The following NRXN2 variants were observed in gnomAD, a reference collection of about 807,000 sequenced individuals.
NRXN2 encodes neurexin-2-beta.
In NRXN2, 29 loss-of-function variants were observed where a neutral mutation model predicts 128.8. The ratio of observed to expected loss-of-function variants is 0.23; its 90% CI spans 0.17 to 0.31. The LOEUF is 0.31. NRXN2 is among the 10% of genes least tolerant of loss of function. The pLI, the probability that NRXN2 is intolerant of heterozygous loss-of-function variation, is 1.00. For missense variants in NRXN2, 1,881 were observed against 2,452.6 expected (o/e 0.77, Z 4.92); for synonymous variants, 1,098 against 1,075.2 (o/e 1.02, Z -0.41).
chr11:64,679,497 C>T (rs573539612), intron 6 of NRXN2, among the ~76,000 whole-genome samples: 25 of 152,148 alleles, frequency 1.6e-4, no homozygotes, highest in African/African-American at 5.5e-4. Flanking sequence ...ATTAGCCAGG[C>T]GTGGTGGCGG....
chr11:64,720,162 A>C (rs1463101944), intron 1 of NRXN2, among the ~76,000 whole-genome samples: 1 of 152,168 alleles, frequency 6.6e-6, no homozygotes, highest in East Asian at 1.9e-4. Flanking sequence ...CCCTCACCCC[A>C]CCATGCCAAA....
At chr11:64,688,484 G>T (rs2053383971) in intron 5 of NRXN2, 1 of 985,410 alleles carries the variant, frequency 1.0e-6, no homozygotes, top group Non-Finnish European at 1.2e-6. Flanking sequence ...CTGGTGGAGG[G>T]ATTCTACTGG....
At chr11:64,618,250 C>T (rs2041826652) in intron 22 of NRXN2, among the ~76,000 whole-genome samples, 2 of 152,236 alleles carry the variant, frequency 1.3e-5, no homozygotes, top group African/African-American at 4.8e-5. Context: ...GCTAGAACTT[C>T]GGTGGGCAGA....
chr11:64,634,242 T>C (rs1406931961), intron 18 of NRXN2, among the ~76,000 whole-genome samples: 1 of 152,072 alleles, frequency 6.6e-6, no homozygotes, highest in African/African-American at 2.4e-5. Flanking sequence ...AGGGTGAGCA[T>C]GTGAAATACA....
chr11:64,716,944 G>C (rs200767095), intron 1 of NRXN2, among the ~76,000 whole-genome samples: 1 of 151,834 alleles, frequency 6.6e-6, no homozygotes, highest in Non-Finnish European at 1.5e-5. Context: ...CCCTCCCTGC[G>C]CCTCTCCCAC....
chr11:64,711,662 G>A (rs2056907597), intron 2 of NRXN2, among the ~76,000 whole-genome samples: 1 of 151,998 alleles, frequency 6.6e-6, no homozygotes, highest in Non-Finnish European at 1.5e-5. Context: ...TCAGCCCCAC[G>A]GCCCAGGGTC....
In NRXN2 at chr11:64,661,123, A is replaced by G. The variant is rs773981479; in HGVS notation, c.1815T>C (p.Asn605=). The change falls in exon 10 of 23, where the codon AAT becomes AAC. Residue 605 remains asparagine (N), a synonymous_variant. Transcript: ENST00000265459. ...TGGCCAAGAACGGCGTGCTGCGACTATTCACTGAGATGGAGCCTGGGAATC... is the reference window on the plus strand; with the variant it reads ...TGGCCAAGAACGGCGTGCTGCGACTGTTCACTGAGATGGAGCCTGGGAATC... ...RDGRKGSISV[N]SRSTPFLATG... 3.7e-6 allele frequency: 6 copies of G among 1,613,584 alleles called. No homozygotes were observed. The highest frequency in any genetic ancestry group is 3.3e-5 in the Admixed American group (2 of 60,026).
intron 2 of NRXN2, among the ~76,000 whole-genome samples, chr11:64,703,060 G>GAGCT: frequency 6.7e-6 from 1 of 149,778 alleles, no homozygotes; most frequent in South Asian, 2.1e-4. Context: ...AAACAAAGGA[G>GAGCT]AGCTAGCCTT....
rs960108941 is a variant in NRXN2 at position 64,660,493 on chromosome 11, A to G, written c.2228T>C (p.Ile743Thr). The change falls in exon 11 of 23, where the codon ATC (isoleucine) becomes ACC (threonine). Residue 743 changes from isoleucine to threonine, a missense_variant. Physicochemically the swap from Ile to Thr is moderately conservative, Grantham distance 89. Around this residue, in one of 7 missense-constraint regions of NRXN2, gnomAD observed 997 missense variants for 1,240.8 expected, o/e 0.80. Coordinates refer to ENST00000265459, the MANE Select transcript of NRXN2 (RefSeq NM_015080.4). This position sits in a 1 kb window ranked among gnomAD's most constrained non-coding sequence, Gnocchi z 5.2. ...CGTGTGCATGGCGTTAGGCAGCATG[A>G]TCTTCATGTACATGGAGCCATCGTA... ...LSYDGSMYMK[I>T]MLPNAMHTEA... 6.2e-7 allele frequency: 1 copy of G among 1,614,068 alleles called. No individual in the cohort carries two copies. Among genetic ancestry groups the G allele is most frequent in the Non-Finnish European group, 8.5e-7 (1 of 1,180,038 alleles).
intron 18 of NRXN2, among the ~76,000 whole-genome samples, chr11:64,634,307 G>A (rs1200967816): frequency 1.3e-5 from 2 of 152,300 alleles, no homozygotes; most frequent in East Asian, 1.9e-4. Flanking sequence ...GAAGACTGAG[G>A]GCAAAGGCTC....
chr11:64,661,792 C>A (rs916996310), intron 9 of NRXN2, among the ~76,000 whole-genome samples: 1 of 152,168 alleles, frequency 6.6e-6, no homozygotes, highest in African/African-American at 2.4e-5. Flanking sequence ...AAAGTATGGT[C>A]CCAGCAGCAA....
chr11:64,664,991 A>C (rs1423270661), intron 9 of NRXN2, among the ~76,000 whole-genome samples: 1 of 131,348 alleles, frequency 7.6e-6, no homozygotes, highest in African/African-American at 2.8e-5. Context: ...CTTCGTCTCA[A>C]AAAAAAAAAG....
In NRXN2 at chr11:64,667,650, G is replaced by C; in HGVS notation, c.1398C>G (p.Ser466=). The change falls in exon 9 of 23, where the codon TCC becomes TCG. Residue 466 remains serine, a synonymous_variant. Transcript: ENST00000265459. This position sits in a 1 kb window ranked among gnomAD's most constrained non-coding sequence, Gnocchi z 5.6. ...TGGGGTCCCCTTCCTTTGCCAGGCGGGATAGTTCCAATTTGAAGTCATTGT... is the reference window on the plus strand; with the variant it reads ...TGGGGTCCCCTTCCTTTGCCAGGCGCGATAGTTCCAATTTGAAGTCATTGT... ...YKNNDFKLEL[S]RLAKEGDPKM... 1.2e-6 allele frequency: 2 copies of C among 1,614,174 alleles called. No homozygotes were observed. Among genetic ancestry groups the C allele is most frequent in the Non-Finnish European group, 1.7e-6 (2 of 1,180,038 alleles).
At chr11:64,686,018 C>A in intron 5 of NRXN2, 71 bp from the exon 6 acceptor site, 1 of 1,554,218 alleles carries the variant, frequency 6.4e-7, no homozygotes, top group Non-Finnish European at 8.8e-7. Context: ...TCCCTCTCCC[C>A]TCCAGCAACG....
intron 2 of NRXN2, among the ~76,000 whole-genome samples, chr11:64,700,570 G>A (rs1301171279): frequency 1.3e-5 from 2 of 152,146 alleles, no homozygotes; most frequent in African/African-American, 4.8e-5. Flanking sequence ...AACACACCCA[G>A]GAGCACAGAA....
intron 22 of NRXN2, among the ~76,000 whole-genome samples, chr11:64,608,494 C>CTTTTTTTTTTTTTTTTTTGTT (rs58638827): frequency 9.0e-6 from 1 of 111,180 alleles, no homozygotes; most frequent in African/African-American, 3.0e-5. Context: ...TCTTTTTTTG[C>CTTTTTTTTTTTTTTTTTTGTT]TTTTTTTTTT....
intron 17 of NRXN2, among the ~76,000 whole-genome samples, chr11:64,645,955 C>T (rs2046593671): frequency 6.6e-6 from 1 of 152,164 alleles, no homozygotes; most frequent in Admixed American, 6.5e-5. Context: ...TGGGTTCCTG[C>T]CTGACCTTGT....
At chr11:64,679,668 C>A (rs1348679036) in intron 6 of NRXN2, among the ~76,000 whole-genome samples, 1 of 151,912 alleles carries the variant, frequency 6.6e-6, no homozygotes, top group Non-Finnish European at 1.5e-5. Flanking sequence ...TGAGAAGAAA[C>A]AGATGTGAGT....
chr11:64,703,352 G>C (rs1001620002), intron 2 of NRXN2, among the ~76,000 whole-genome samples: 13 of 152,004 alleles, frequency 8.6e-5, no homozygotes, highest in Admixed American at 1.3e-4. Flanking sequence ...TCCTTTACCC[G>C]CCACTGCTAC....
Sources: gnomAD v4.1 joint callset for allele counts (sites outside exome capture counted in the v4.1 genomes callset) on GRCh38, gnomAD v4.1.1 for gene constraint, gnomAD v4.1.1 regional missense constraint, Gnocchi (gnomAD v3.1) non-coding constraint, MANE v1.5 for transcripts, NCBI Gene and HGNC (gene_info 2026-07-23, HGNC 2026-07-21) for gene names.